Variants in RGSL1 observed in about 807,000 individuals in gnomAD.
The protein encoded by RGSL1 is regulator of G protein signaling protein-like.
RGSL1 carries 97 observed loss-of-function variants against 124.7 expected under a neutral mutation model. The ratio of observed to expected loss-of-function variants is 0.78; its 90% CI spans 0.66 to 0.92. RGSL1 has a LOEUF of 0.92. Ranked by LOEUF, RGSL1 falls within the 40% of genes least tolerant of loss-of-function variation. RGSL1 has a pLI of 0.00. For missense variants in RGSL1, 1,233 were observed against 1,288.4 expected (o/e 0.96, Z 0.66); for synonymous variants, 424 against 438.1 (o/e 0.97, Z 0.40).
At chr1:182,503,317 A>G (rs1001421742) in intron 9 of RGSL1, among the ~76,000 whole-genome samples, 1 of 152,160 alleles carries the variant, frequency 6.6e-6, no homozygotes. Flanking sequence ...ATCAAGATGG[A>G]CATGGATAAA....
At chr1:182,509,789 G>T (rs1406611033) in intron 9 of RGSL1, among the ~76,000 whole-genome samples, 1 of 130,810 alleles carries the variant, frequency 7.6e-6, no homozygotes, top group South Asian at 2.6e-4. Flanking sequence ...CTCCCTCCCG[G>T]ATGGGGCGGC....
intron 12 of RGSL1, 141 bp from the exon 13 acceptor site, chr1:182,530,649 A>G: frequency 1.0e-6 from 1 of 984,400 alleles, no homozygotes; most frequent in Non-Finnish European, 1.4e-6. Context: ...TGATAGAGTA[A>G]GAAGAGAATT....
chr1:182,542,322 C>G (rs1215000953), intron 15 of RGSL1, among the ~76,000 whole-genome samples: 2 of 152,110 alleles, frequency 1.3e-5, no homozygotes, highest in East Asian at 3.8e-4. Flanking sequence ...AAGAGACGGT[C>G]CTTTCCCCCA....
upstream of RGSL1, chr1:182,450,053 A>G: frequency 7.8e-7 from 1 of 1,285,094 alleles, no homozygotes; most frequent in African/African-American, 1.5e-5. Flanking sequence ...GCCAGATAGA[A>G]TCTGGAACCC....
intron 19 of RGSL1, 78 bp downstream of exon 19, chr1:182,553,619 C>T: frequency 9.5e-6 from 12 of 1,259,184 alleles, no homozygotes; most frequent in South Asian, 1.3e-5. Flanking sequence ...GGCCAATCCC[C>T]TTATTGACAA....
At chr1:182,539,642 G>A (rs1659760507) in intron 14 of RGSL1, among the ~76,000 whole-genome samples, 1 of 152,136 alleles carries the variant, frequency 6.6e-6, no homozygotes, top group Non-Finnish European at 1.5e-5. Context: ...TCTTTTCTCA[G>A]ACCTGAATCC....
chr1:182,484,615 C>T (rs1279668660), intron 6 of RGSL1, among the ~76,000 whole-genome samples: 1 of 152,154 alleles, frequency 6.6e-6, no homozygotes, highest in Non-Finnish European at 1.5e-5. Flanking sequence ...TGGGGCAGCT[C>T]CAACAAGGCA....
intron 6 of RGSL1, among the ~76,000 whole-genome samples, chr1:182,480,887 G>T (rs1654657004): frequency 6.6e-6 from 1 of 151,922 alleles, no homozygotes; most frequent in Non-Finnish European, 1.5e-5. Context: ...AAATCAAAAA[G>T]GGCATTTGAA....
At chr1:182,522,419 T>G (rs1207932815) in intron 10 of RGSL1, among the ~76,000 whole-genome samples, 1 of 152,206 alleles carries the variant, frequency 6.6e-6, no homozygotes, top group African/African-American at 2.4e-5. Context: ...TACATTGTCT[T>G]TAATTTTTTA....
intron 20 of RGSL1, chr1:182,555,685 C>G: frequency 3.5e-6 from 1 of 285,976 alleles, no homozygotes; most frequent in Non-Finnish European, 6.6e-6. Context: ...GGCTTGGTGT[C>G]CTTGCCAGCC....
At chr1:182,496,360 CAG>C (rs1655911577) in intron 9 of RGSL1, among the ~76,000 whole-genome samples, 1 of 152,164 alleles carries the variant, frequency 6.6e-6, no homozygotes, top group Admixed American at 6.5e-5. Context: ...GAGATTTGGG[CAG>C]AGACACAGAT....
chr1:182,548,315 A>G lies in RGSL1; in HGVS notation c.2670-2A>G. The G allele has an allele frequency of 6.4e-7, 1 of 1,551,788 alleles. No individual in the cohort carries two copies. Among genetic ancestry groups the G allele is most frequent in the Non-Finnish European group, 8.7e-7 (1 of 1,146,984 alleles). ...ATTTCCTACTTCACATTTCTTTTTT[A>G]GATTTAATGATCTGGTCAGTTCAGC... On this transcript the variant is annotated splice_acceptor_variant, in intron 15 of 21. Coordinates refer to ENST00000294854, the MANE Select transcript of RGSL1 (RefSeq NM_001137669.2). LOFTEE classifies it high-confidence loss of function.
In RGSL1 at chr1:182,474,305, ACTT is replaced by A; in HGVS notation, c.1198_1200del (p.Leu400del). 6.4e-7 allele frequency: 1 copy of A among 1,551,780 alleles called. No homozygotes were observed. Among genetic ancestry groups the A allele is most frequent in the East Asian group, 2.4e-5 (1 of 40,922 alleles). Reference sequence around the variant, plus strand: ...AGCTGAATTTGAAAGTGGAGATCCAACTTCTTGACCTCTGGCAGGACTTGCAGC... The same window carrying A: ...AGCTGAATTTGAAAGTGGAGATCCAACTTGACCTCTGGCAGGACTTGCAGC... On this transcript the variant is annotated inframe_deletion, in exon 6 of 22. Coordinates refer to ENST00000294854, the MANE Select transcript of RGSL1 (RefSeq NM_001137669.2).
chr1:182,521,960 T>G (rs779842950), intron 9 of RGSL1, 44 bp from the exon 10 acceptor site: 8 of 1,288,100 alleles, frequency 6.2e-6, no homozygotes, highest in South Asian at 2.7e-5. Context: ...CCCTTTTCAT[T>G]GCTTATAATA....
chr1:182,515,825 G>A (rs903556148), intron 9 of RGSL1, among the ~76,000 whole-genome samples: 3 of 152,306 alleles, frequency 2.0e-5, no homozygotes, highest in African/African-American at 4.8e-5. Context: ...CAGAAGGGGA[G>A]GGGATAAGGA....
intron 1 of RGSL1, chr1:182,450,474 A>G: frequency 2.2e-6 from 1 of 458,642 alleles, no homozygotes; most frequent in Non-Finnish European, 4.0e-6. Context: ...ATGGGGTTTG[A>G]GATTATGCAG....
intron 13 of RGSL1, among the ~76,000 whole-genome samples, chr1:182,531,841 A>G (rs962697740): frequency 7.2e-5 from 11 of 152,236 alleles, no homozygotes; most frequent in Admixed American, 1.3e-4. Flanking sequence ...GGGTTTACAT[A>G]TAAGTCTCAC....
chr1:182,517,201 T>G (rs593424), intron 9 of RGSL1, among the ~76,000 whole-genome samples: 130,823 of 151,404 alleles, frequency 0.86, 56,849 homozygotes, highest in Non-Finnish European at 0.89. Flanking sequence ...CTCCCTGCTG[T>G]TCTGTATGAT....
chr1:182,465,142 T>C (rs1260912409), intron 4 of RGSL1, among the ~76,000 whole-genome samples: 2 of 151,786 alleles, frequency 1.3e-5, no homozygotes, highest in East Asian at 3.9e-4. Flanking sequence ...ATAAAAAGGA[T>C]TATAGAAGAG....
Sources: gnomAD v4.1 joint callset for allele counts (sites outside exome capture counted in the v4.1 genomes callset) on GRCh38, gnomAD v4.1.1 for gene constraint, MANE v1.5 for transcripts, NCBI Gene and HGNC (gene_info 2026-07-23, HGNC 2026-07-21) for gene names.